Variants in PNLIP observed in about 807,000 individuals in gnomAD.
The protein encoded by PNLIP is pancreatic triacylglycerol lipase.
In PNLIP, 49 loss-of-function variants were observed where a neutral mutation model predicts 57.1. The observed-to-expected ratio is 0.86, with a 90% CI of 0.68 to 1.09. The LOEUF (loss-of-function observed/expected upper bound fraction) is 1.09, where lower values mean the gene tolerates loss of function less well. Ranked by LOEUF, PNLIP falls within the 50% of genes least tolerant of loss-of-function variation. The pLI, the probability that PNLIP is intolerant of heterozygous loss-of-function variation, is 0.00. For missense variants in PNLIP, 503 were observed against 570.2 expected, an observed-to-expected ratio of 0.88 and a Z score of 1.20; for synonymous variants, 209 against 200.4, an observed-to-expected ratio of 1.04 and a Z score of -0.36.
chr10:116,555,545 G>T (rs1847244567), intron 8 of PNLIP, 38 bp downstream of exon 8: 2 of 1,599,050 alleles, frequency 1.3e-6, no homozygotes, highest in African/African-American at 1.3e-5. Flanking sequence ...CTTCTTGGGA[G>T]AAAGCTTGTG....
chr10:116,547,173 G>A (rs893251933), intron 2 of PNLIP, 121 bp from the exon 3 acceptor site: 6 of 851,856 alleles, frequency 7.0e-6, no homozygotes, highest in Non-Finnish European at 1.2e-5. Flanking sequence ...GTGGCTAGGA[G>A]GGTGTTGAGA....
intron 10 of PNLIP, 125 bp downstream of exon 10, chr10:116,559,408 A>AATGC: frequency 1.5e-6 from 1 of 685,370 alleles, no homozygotes; most frequent in South Asian, 2.0e-5. Context: ...AAGGTGGAAA[A>AATGC]ATGCTCAATG....
intron 3 of PNLIP, among the ~76,000 whole-genome samples, chr10:116,547,899 A>G (rs1011261038): frequency 1.3e-5 from 2 of 152,126 alleles, no homozygotes; most frequent in South Asian, 2.1e-4. Flanking sequence ...TTTATAAAAG[A>G]TTCATTAACT....
chr10:116,546,902 A>G (rs1847131432), intron 2 of PNLIP, among the ~76,000 whole-genome samples: 1 of 152,190 alleles, frequency 6.6e-6, no homozygotes, highest in Non-Finnish European at 1.5e-5. Context: ...TGGCCTTTCC[A>G]TAAAATTTTA....
chr10:116,551,491 A>G (rs1235360419), intron 5 of PNLIP, among the ~76,000 whole-genome samples: 1 of 152,202 alleles, frequency 6.6e-6, no homozygotes, highest in Non-Finnish European at 1.5e-5. Context: ...AAATTCCACG[A>G]GTATTTGTTT....
At chr10:116,552,529 T>C (rs1157361452) in intron 5 of PNLIP, among the ~76,000 whole-genome samples, 4 of 152,154 alleles carry the variant, frequency 2.6e-5, no homozygotes, top group Admixed American at 6.5e-5. Flanking sequence ...GTAAAATAAT[T>C]TGATACAGGG....
chr10:116,554,100 C>T (rs543290875), intron 6 of PNLIP, among the ~76,000 whole-genome samples: 2 of 152,264 alleles, frequency 1.3e-5, no homozygotes, highest in East Asian at 3.9e-4. Flanking sequence ...AATCGCTGTT[C>T]TGAGGCTTTG....
At chr10:116,550,688 T>C (rs1448364156) in intron 4 of PNLIP, among the ~76,000 whole-genome samples, 1 of 152,242 alleles carries the variant, frequency 6.6e-6, no homozygotes, top group Non-Finnish European at 1.5e-5. Flanking sequence ...CCAGAATCTG[T>C]TCTGGACACT....
rs917399467 is a variant in PNLIP at position 116,546,219 on chromosome 10, C to G, written c.46+81C>G. ...GAGGGCTAGGGCAGCTGAATTCAGGCCGCAGTAATAACATGAAGATTTACT... is the reference window on the plus strand; with the variant it reads ...GAGGGCTAGGGCAGCTGAATTCAGGGCGCAGTAATAACATGAAGATTTACT... On this transcript the variant is annotated intron_variant, in intron 2 of 12. Transcript: ENST00000369221. The G allele has an allele frequency of 5.1e-6, 6 of 1,166,246 alleles. No homozygotes were observed. In the Admixed American group the frequency reaches 8.5e-5, roughly 16 times the overall value. The allele number at this position is 1,166,246 out of a possible 1,614,324, so 72.2% of individuals were successfully genotyped here. A position where few individuals can be genotyped will look rare whatever the true frequency, so the allele number is the denominator to read the frequency against.
intron 12 of PNLIP, among the ~76,000 whole-genome samples, chr10:116,562,896 CAAATAACT>C: frequency 6.6e-6 from 1 of 152,022 alleles, no homozygotes; most frequent in East Asian, 1.9e-4. Flanking sequence ...AAACTGTTTC[CAAATAACT>C]GCATTGCAGA....
intron 12 of PNLIP, among the ~76,000 whole-genome samples, chr10:116,565,513 T>G (rs1383699759): frequency 4.7e-5 from 7 of 147,636 alleles, no homozygotes. Flanking sequence ...CAGGCTGGAG[T>G]GCAGTGGCAC....
At chr10:116,562,066 C>T (rs757275563) in intron 12 of PNLIP, among the ~76,000 whole-genome samples, 7 of 152,220 alleles carry the variant, frequency 4.6e-5, no homozygotes, top group East Asian at 3.9e-4. Context: ...TTAGTGAAGA[C>T]GAAGGTCCAG....
At chr10:116,567,164 TTCTTTC>T (rs1847377555) in intron 12 of PNLIP, among the ~76,000 whole-genome samples, 1 of 151,184 alleles carries the variant, frequency 6.6e-6, no homozygotes, top group African/African-American at 2.4e-5. Context: ...TTTCTTTTCT[TTCTTTC>T]TCTTTCTTTC....
At chr10:116,560,889 A>G (rs568770739) in intron 11 of PNLIP, among the ~76,000 whole-genome samples, 1 of 152,176 alleles carries the variant, frequency 6.6e-6, no homozygotes, top group African/African-American at 2.4e-5. Flanking sequence ...ATGCTTCTTA[A>G]TGTTGGAATA....
rs764918400 is a variant in PNLIP at position 116,561,605 on chromosome 10, A to G, written c.1303A>G (p.Lys435Glu). 1 of 1,612,736 alleles carries G rather than the reference A, an allele frequency of 6.2e-7. No individual in the cohort carries two copies. The highest frequency in any genetic ancestry group is 2.2e-5 in the East Asian group (1 of 44,852). ...AACTTTACCTAGAGTGGGAGCATCC[A>G]AGATTATAGTGGAGACAAATGTTGG... ...NPTLPRVGAS[K>E]IIVETNVGKQ... is the part of the protein sequence containing the mutation. Residue 435 changes from lysine to glutamate, a missense_variant, in exon 12 of 13, where the codon AAG becomes GAG. By Grantham distance (56) the Lys-to-Glu change is moderately conservative. Coordinates refer to ENST00000369221, the MANE Select transcript of PNLIP (RefSeq NM_000936.4).
intron 12 of PNLIP, among the ~76,000 whole-genome samples, chr10:116,566,755 G>A (rs1847371522): frequency 6.6e-6 from 1 of 151,978 alleles, no homozygotes; most frequent in Non-Finnish European, 1.5e-5. Context: ...ATAAATATTG[G>A]TGCCTTTCTT....
rs772712471 is a variant in PNLIP, at chr10:116,553,759, T to G, written c.492T>G (p.His164Gln). Residue 164 changes from histidine (H) to glutamine (Q), a missense_variant, in exon 6 of 13, where the codon CAT (histidine) becomes CAG (glutamine). Transcript: ENST00000369221. ...TCGGTTACTCACCTTCCAATGTGCA[T>G]GTCATTGGCCACAGCCTGGGTGCCC... ...SAFGYSPSNV[H>Q]VIGHSLGAHA... 5 of 1,612,940 alleles carry G rather than the reference T, an allele frequency of 3.1e-6. No homozygotes were observed. The highest frequency in any genetic ancestry group is 4.2e-6 in the Non-Finnish European group (5 of 1,179,234).
chr10:116,560,308 C>CACAA, intron 10 of PNLIP, 108 bp from the exon 11 acceptor site: 2 of 575,556 alleles, frequency 3.5e-6, no homozygotes, highest in East Asian at 6.0e-5. Flanking sequence ...CACACACACA[C>CACAA]AATTATAAAT....
At position 116,559,169 on chromosome 10, in the gene PNLIP, T is replaced by C. The variant is rs1234034409; in HGVS notation, c.946T>C (p.Cys316Arg). 6.2e-7 allele frequency: 1 copy of C among 1,612,270 alleles called. No homozygotes were observed. The highest frequency in any genetic ancestry group is 8.5e-7 in the Non-Finnish European group (1 of 1,179,558). The change falls in exon 10 of 13, where the codon TGT becomes CGT. Residue 316 changes from cysteine (C) to arginine (R), a missense_variant. Physicochemically the swap from Cys to Arg is radical, Grantham distance 180. Coordinates refer to ENST00000369221, the MANE Select transcript of PNLIP (RefSeq NM_000936.4). ...TTTTCACTAGAACAAGTGTTTCCCTTGTCCAAGTGGAGGCTGCCCACAGAT... is the reference window on the plus strand; with the variant it reads ...TTTTCACTAGAACAAGTGTTTCCCTCGTCCAAGTGGAGGCTGCCCACAGAT... ...NVFTANKCFPCPSGGCPQMGH... is the reference protein window; with the variant it reads ...NVFTANKCFPRPSGGCPQMGH...
Sources: gnomAD v4.1 joint callset for allele counts (sites outside exome capture counted in the v4.1 genomes callset) on GRCh38, gnomAD v4.1.1 for gene constraint, MANE v1.5 for transcripts, NCBI Gene and HGNC (gene_info 2026-07-23, HGNC 2026-07-21) for gene names.